Variants in UNC13C observed in about 807,000 individuals in gnomAD.
The protein encoded by UNC13C is protein unc-13 homolog C.
Under a neutral mutation model 245.4 loss-of-function variants are expected in UNC13C, and 174 were observed. The observed-to-expected ratio is 0.71, with a 90% CI of 0.63 to 0.80. The LOEUF (loss-of-function observed/expected upper bound fraction) is 0.80, where lower values mean the gene tolerates loss of function less well. UNC13C is among the 30% of genes least tolerant of loss of function. The pLI, the probability that UNC13C is intolerant of heterozygous loss-of-function variation, is 0.00. For missense variants in UNC13C, 2,829 were observed against 2,602.9 expected, an observed-to-expected ratio of 1.09 and a Z score of -1.89; for synonymous variants, 992 against 895.1, an observed-to-expected ratio of 1.11 and a Z score of -1.93.
chr15:53,875,990 G>C, the UNC13C span, among the ~76,000 whole-genome samples: 1 of 152,206 alleles, frequency 6.6e-6, no homozygotes, highest in Non-Finnish European at 1.5e-5. Flanking sequence ...AGTTCTCTCA[G>C]ATATCTGAGC....
At chr15:54,306,086 AAG>A (rs1156527242) in intron 13 of UNC13C, among the ~76,000 whole-genome samples, 2 of 152,012 alleles carry the variant, frequency 1.3e-5, no homozygotes, top group Admixed American at 1.3e-4. Context: ...TTTCAGACAA[AAG>A]AGTCTGAAAC....
intron 7 of UNC13C, among the ~76,000 whole-genome samples, chr15:54,247,388 A>G (rs561809647): frequency 3.3e-5 from 5 of 152,298 alleles, no homozygotes; most frequent in African/African-American, 9.6e-5. Context: ...TTGCTCCAAG[A>G]TGCATTATCC....
At chr15:54,167,649 T>C (rs2033232641) in intron 4 of UNC13C, among the ~76,000 whole-genome samples, 1 of 132,940 alleles carries the variant, frequency 7.5e-6, no homozygotes, top group African/African-American at 2.7e-5. Flanking sequence ...TCTCAACCTC[T>C]CACACCATCC....
intron 17 of UNC13C, among the ~76,000 whole-genome samples, chr15:54,354,400 A>G (rs569659436): frequency 1.3e-5 from 2 of 152,282 alleles, no homozygotes; most frequent in South Asian, 2.1e-4. Flanking sequence ...TGCTGCTTCT[A>G]CTGATTCTGT....
chr15:53,965,216 T>TA, the UNC13C span, among the ~76,000 whole-genome samples: 1 of 152,276 alleles, frequency 6.6e-6, no homozygotes, highest in Non-Finnish European at 1.5e-5. Context: ...AATGAACACT[T>TA]ACGTGCCTAT....
intron 1 of UNC13C, among the ~76,000 whole-genome samples, chr15:53,993,910 T>G (rs1458125055): frequency 6.6e-6 from 1 of 152,068 alleles, no homozygotes; most frequent in Admixed American, 6.6e-5. Flanking sequence ...TAATGTAGTT[T>G]TATTGAAGAG....
At chr15:54,415,532 T>C (rs2040500776) in intron 19 of UNC13C, among the ~76,000 whole-genome samples, 1 of 152,154 alleles carries the variant, frequency 6.6e-6, no homozygotes, top group South Asian at 2.1e-4. Flanking sequence ...TCATTCAGTG[T>C]AGAAAAGAGA....
At chr15:54,106,223 C>T (rs1183730376) in intron 2 of UNC13C, among the ~76,000 whole-genome samples, 1 of 152,158 alleles carries the variant, frequency 6.6e-6, no homozygotes, top group African/African-American at 2.4e-5. Context: ...TGTAAAAACT[C>T]ATGTTTATAG....
At chr15:54,250,530 G>A in intron 8 of UNC13C, 86 bp downstream of exon 8, 4 of 1,301,190 alleles carry the variant, frequency 3.1e-6, no homozygotes, top group Non-Finnish European at 4.2e-6. Flanking sequence ...AACTCTTGCT[G>A]GTTGTCAAGA....
At chr15:54,115,643 C>A (rs1324780411) in intron 2 of UNC13C, among the ~76,000 whole-genome samples, 1 of 151,992 alleles carries the variant, frequency 6.6e-6, no homozygotes, top group Non-Finnish European at 1.5e-5. Context: ...TTAATTTTTT[C>A]TTTAAAGTTG....
At chr15:54,066,934 C>CT (rs570403311) in intron 2 of UNC13C, among the ~76,000 whole-genome samples, 90 of 148,880 alleles carry the variant, frequency 6.0e-4, no homozygotes, top group East Asian at 5.9e-3. Context: ...AAATTGTTTT[C>CT]TTTTTTTTTT....
At chr15:54,587,336 G>C (rs1486177502) in intron 30 of UNC13C, among the ~76,000 whole-genome samples, 1 of 152,184 alleles carries the variant, frequency 6.6e-6, no homozygotes, top group African/African-American at 2.4e-5. Flanking sequence ...ACATTTATAT[G>C]ACTGAAGCTT....
At chr15:54,267,230 G>A (rs12915061) in intron 10 of UNC13C, among the ~76,000 whole-genome samples, 4 of 145,808 alleles carry the variant, frequency 2.7e-5, no homozygotes, top group Non-Finnish European at 5.9e-5. Context: ...TCACGTATTC[G>A]GAATATGTTT....
At chr15:54,077,536 G>A (rs1339836899) in intron 2 of UNC13C, among the ~76,000 whole-genome samples, 5 of 151,096 alleles carry the variant, frequency 3.3e-5, no homozygotes, top group Non-Finnish European at 7.4e-5. Context: ...GCACCACCAC[G>A]CTCAGCTAAT....
At chr15:54,323,670 C>T (rs770012986) in intron 14 of UNC13C, among the ~76,000 whole-genome samples, 2 of 151,972 alleles carry the variant, frequency 1.3e-5, no homozygotes, top group African/African-American at 2.4e-5. Flanking sequence ...AACCAAAGAA[C>T]GTTCCCTAGC....
At chr15:53,882,253 G>A in the UNC13C span, among the ~76,000 whole-genome samples, 2 of 152,114 alleles carry the variant, frequency 1.3e-5, no homozygotes, top group Non-Finnish European at 2.9e-5. Flanking sequence ...AAGTTCAAAA[G>A]CTTCCATTAC....
intron 2 of UNC13C, among the ~76,000 whole-genome samples, chr15:54,057,503 A>T (rs1474935691): frequency 2.0e-5 from 3 of 151,610 alleles, no homozygotes; most frequent in African/African-American, 7.3e-5. Flanking sequence ...CTCCCACACA[A>T]TAATAATGGG....
At chr15:54,539,811 C>T (rs773563143) in intron 26 of UNC13C, among the ~76,000 whole-genome samples, 24 of 151,970 alleles carry the variant, frequency 1.6e-4, no homozygotes, top group Non-Finnish European at 2.1e-4. Context: ...ATCTATAAAA[C>T]GGGGCTAATA....
At chr15:54,173,559 A>G (rs1390824781) in intron 4 of UNC13C, among the ~76,000 whole-genome samples, 1 of 152,074 alleles carries the variant, frequency 6.6e-6, no homozygotes, top group Non-Finnish European at 1.5e-5. Flanking sequence ...ATTTTGTAAT[A>G]TTGATCTTGT....
Sources: gnomAD v4.1 joint callset for allele counts (sites outside exome capture counted in the v4.1 genomes callset) on GRCh38, gnomAD v4.1.1 for gene constraint, MANE v1.5 for transcripts, NCBI Gene and HGNC (gene_info 2026-07-23, HGNC 2026-07-21) for gene names.